SNTG1: variants seen among roughly 807,000 people sequenced by gnomAD.
SNTG1 encodes syntrophin gamma 1, also known as gamma-1-syntrophin.
In SNTG1, 39 loss-of-function variants were observed where a neutral mutation model predicts 74.7. That is an observed-to-expected ratio of 0.52 (90% CI 0.40 to 0.68). SNTG1 has a LOEUF of 0.68. SNTG1 is among the 30% of genes least tolerant of loss of function. The pLI is 0.00. For missense variants in SNTG1, 685 were observed against 609.5 expected, an observed-to-expected ratio of 1.12 and a Z score of -1.30; for synonymous variants, 254 against 217.1, an observed-to-expected ratio of 1.17 and a Z score of -1.49.
chr8:50,577,772 T>A (rs1000217937), intron 12 of SNTG1, among the ~76,000 whole-genome samples: 1 of 152,224 alleles, frequency 6.6e-6, no homozygotes, highest in South Asian at 2.1e-4. Context: ...GCTGTTCTTT[T>A]ACTTATGTTA....
intron 17 of SNTG1, among the ~76,000 whole-genome samples, chr8:50,732,930 T>C (rs2095516460): frequency 6.6e-6 from 1 of 152,006 alleles, no homozygotes; most frequent in African/African-American, 2.4e-5. Context: ...TTTTGTATTT[T>C]GTGTATTTTT....
intron 8 of SNTG1, among the ~76,000 whole-genome samples, chr8:50,502,385 CTT>C (rs2093968083): frequency 6.6e-6 from 1 of 152,132 alleles, no homozygotes; most frequent in Non-Finnish European, 1.5e-5. Context: ...TGCTCCAAAG[CTT>C]ATCCAATTTA....
chr8:50,745,985 T>C (rs548880885), intron 17 of SNTG1, among the ~76,000 whole-genome samples: 40 of 152,114 alleles, frequency 2.6e-4, no homozygotes, highest in Admixed American at 5.2e-4. Flanking sequence ...GTATTTAACA[T>C]TCTTCAATCA....
chr8:50,154,852 A>C (rs1433582495), intron 1 of SNTG1, among the ~76,000 whole-genome samples: 2 of 152,238 alleles, frequency 1.3e-5, no homozygotes, highest in Non-Finnish European at 2.9e-5. Flanking sequence ...TTGCAGTGAA[A>C]GAAGACATTA....
At chr8:50,766,527 G>A (rs1170898452) in intron 18 of SNTG1, among the ~76,000 whole-genome samples, 1 of 151,910 alleles carries the variant, frequency 6.6e-6, no homozygotes, top group African/African-American at 2.4e-5. Context: ...ATTTCATTAT[G>A]AGACCAGGCT....
chr8:50,440,923 AG>A (rs1339884457), intron 5 of SNTG1, among the ~76,000 whole-genome samples: 51 of 152,346 alleles, frequency 3.3e-4, no homozygotes, highest in Admixed American at 2.0e-4. Context: ...ACTTGGTTAA[AG>A]GGTAATGAAT....
Position 50,562,432 on chromosome 8 carries a change from A to G in SNTG1, c.810+9253A>G, listed in dbSNP as rs542743350. Among the ~76,000 whole-genome samples the G allele has an allele frequency of 8.5e-5, 13 of 152,338 alleles. No homozygotes were observed. In the South Asian group the frequency reaches 2.7e-3, roughly 32 times the overall value. On this transcript the variant is annotated intron_variant, in intron 12 of 18. Coordinates refer to ENST00000642720, the MANE Select transcript of SNTG1 (RefSeq NM_018967.5). ...CTGAACCCAGTATTTCTGGCTCTGA[A>G]GATGGAGAAGGGAATGCAATTCAAA...
intron 8 of SNTG1, among the ~76,000 whole-genome samples, chr8:50,474,485 A>G (rs893608546): frequency 3.9e-5 from 6 of 152,222 alleles, no homozygotes; most frequent in African/African-American, 1.4e-4. Flanking sequence ...AATGCTCATC[A>G]TCACTGGCCA....
chr8:50,316,095 C>T (rs535601683), intron 2 of SNTG1, among the ~76,000 whole-genome samples: 5 of 152,086 alleles, frequency 3.3e-5, no homozygotes, highest in Non-Finnish European at 4.4e-5. Context: ...CATCATTATT[C>T]TTTCATTTAT....
chr8:50,642,627 C>CT (rs1379612568), intron 13 of SNTG1, among the ~76,000 whole-genome samples: 1 of 152,092 alleles, frequency 6.6e-6, no homozygotes, highest in East Asian at 1.9e-4. Flanking sequence ...GATGCTTTTC[C>CT]TTCAGATATC....
intron 2 of SNTG1, among the ~76,000 whole-genome samples, chr8:50,207,761 TTG>T (rs1563740836): frequency 6.6e-6 from 1 of 152,210 alleles, no homozygotes; most frequent in African/African-American, 2.4e-5. Context: ...TTCTGGTATG[TTG>T]TGTCTTTGTT....
intron 15 of SNTG1, among the ~76,000 whole-genome samples, chr8:50,701,586 CTCTTCTTCT>C (rs5891382): frequency 1.4e-4 from 20 of 145,312 alleles, no homozygotes; most frequent in East Asian, 6.1e-4. Flanking sequence ...CTTTTTCTTC[CTCTTCTTCT>C]TCTTCTTCTT....
chr8:50,115,841 T>C (rs1475071817), intron 1 of SNTG1, among the ~76,000 whole-genome samples: 1 of 152,092 alleles, frequency 6.6e-6, no homozygotes, highest in African/African-American at 2.4e-5. Context: ...GTCCAACTAC[T>C]CCTTCATCAT....
Position 50,425,171 on chromosome 8 carries a change from G to A in SNTG1, c.163-13372G>A, listed in dbSNP as rs552397126. On this transcript the variant is annotated intron_variant, in intron 4 of 18. Coordinates refer to ENST00000642720, the MANE Select transcript of SNTG1 (RefSeq NM_018967.5). The stretch of plus-strand genomic sequence containing the variant: ...AGCTAAGTGGAGATAAGGGCAAAAA[G>A]GGATTTTTTTTGTGGTTAATACAAT... Among the ~76,000 whole-genome samples, 3 of 152,084 alleles carry A rather than the reference G, an allele frequency of 2.0e-5. 1 individual carries two copies. The highest frequency in any genetic ancestry group is 4.8e-5 in the African/African-American group (2 of 41,424).
At chr8:49,974,753 AT>A (rs1171823448) in intron 1 of SNTG1, among the ~76,000 whole-genome samples, 1 of 152,180 alleles carries the variant, frequency 6.6e-6, no homozygotes, top group Non-Finnish European at 1.5e-5. Flanking sequence ...CTTAAGAAAA[AT>A]TGCATCTATA....
At chr8:50,319,489 A>G (rs2090445710) in intron 2 of SNTG1, among the ~76,000 whole-genome samples, 1 of 152,202 alleles carries the variant, frequency 6.6e-6, no homozygotes, top group Non-Finnish European at 1.5e-5. Context: ...GGTTGTTCCA[A>G]ATATAAGATT....
At chr8:50,257,498 A>G (rs2086943239) in intron 2 of SNTG1, among the ~76,000 whole-genome samples, 1 of 152,144 alleles carries the variant, frequency 6.6e-6, no homozygotes, top group African/African-American at 2.4e-5. Flanking sequence ...TCTTTGAACT[A>G]ATTTCGAAGG....
At chr8:50,655,299 G>T (rs1052889467) in intron 13 of SNTG1, among the ~76,000 whole-genome samples, 2 of 151,936 alleles carry the variant, frequency 1.3e-5, no homozygotes, top group Non-Finnish European at 2.9e-5. Flanking sequence ...TTTATGGGAT[G>T]GTTATCTATT....
At chr8:50,475,050 G>A (rs1309464642) in intron 8 of SNTG1, among the ~76,000 whole-genome samples, 1 of 136,074 alleles carries the variant, frequency 7.3e-6, no homozygotes, top group Non-Finnish European at 1.6e-5. Flanking sequence ...ACACAGGAAG[G>A]GGAACATCAC....
Sources: gnomAD v4.1 joint callset for allele counts (sites outside exome capture counted in the v4.1 genomes callset) on GRCh38, gnomAD v4.1.1 for gene constraint, MANE v1.5 for transcripts, NCBI Gene and HGNC (gene_info 2026-07-23, HGNC 2026-07-21) for gene names.